The following SNX29 variants were observed in gnomAD, a reference collection of about 807,000 sequenced individuals.
SNX29 encodes sorting nexin-29.
Under a neutral mutation model 102.1 loss-of-function variants are expected in SNX29, and 78 were observed. That is an observed-to-expected ratio of 0.76 (90% CI 0.64 to 0.92). SNX29 has a LOEUF of 0.92. Ranked by LOEUF, SNX29 falls within the 40% of genes least tolerant of loss-of-function variation. SNX29 has a pLI of 0.00. For missense variants in SNX29, 1,280 were observed against 1,061.7 expected (o/e 1.21, Z -2.86); for synonymous variants, 580 against 414.5 (o/e 1.40, Z -4.85).
At chr16:12,057,573 C>T (rs1418968716) in intron 8 of SNX29, among the ~76,000 whole-genome samples, 4 of 152,048 alleles carry the variant, frequency 2.6e-5, no homozygotes, top group African/African-American at 4.8e-5. Context: ...AACATACCCT[C>T]GATTCAGGGA....
intron 19 of SNX29, among the ~76,000 whole-genome samples, chr16:12,481,321 G>T (rs1222704093): frequency 6.6e-6 from 1 of 151,854 alleles, no homozygotes; most frequent in African/African-American, 2.4e-5. Context: ...TCTCGCCTGT[G>T]CAGCTTTTAA....
intron 8 of SNX29, among the ~76,000 whole-genome samples, chr16:12,053,476 C>T (rs1398746922): frequency 6.6e-6 from 1 of 151,900 alleles, no homozygotes; most frequent in African/African-American, 2.4e-5. Flanking sequence ...GGGAGGATTC[C>T]TTAAGGCCAG....
chr16:12,411,463 G>A (rs887860416), intron 18 of SNX29, among the ~76,000 whole-genome samples: 1 of 152,224 alleles, frequency 6.6e-6, no homozygotes, highest in African/African-American at 2.4e-5. Context: ...GGTGAAAACA[G>A]AAAGCCAAAG....
chr16:12,301,234 C>G (rs1475358977), intron 15 of SNX29, among the ~76,000 whole-genome samples: 5 of 152,218 alleles, frequency 3.3e-5, no homozygotes, highest in Admixed American at 2.0e-4. Flanking sequence ...GCCATTTTCT[C>G]TTGCCGGGAG....
chr16:12,460,588 A>T (rs930965949), intron 18 of SNX29, among the ~76,000 whole-genome samples: 2 of 151,038 alleles, frequency 1.3e-5, no homozygotes, highest in East Asian at 1.9e-4. Flanking sequence ...GTGCATCCCT[A>T]TGCCATAACA....
intron 18 of SNX29, among the ~76,000 whole-genome samples, chr16:12,452,062 T>A (rs545931841): frequency 2.0e-5 from 3 of 152,248 alleles, no homozygotes; most frequent in African/African-American, 7.2e-5. Context: ...CCACTGAAGC[T>A]CAGACCTGTC....
chr16:12,232,191 G>GGGTTA (rs2077789803), intron 14 of SNX29, among the ~76,000 whole-genome samples: 1 of 152,172 alleles, frequency 6.6e-6, no homozygotes, highest in African/African-American at 2.4e-5. Context: ...TGGCCATTAA[G>GGGTTA]GGGGAAGATG....
At chr16:12,400,504 T>G (rs918980325) in intron 17 of SNX29, among the ~76,000 whole-genome samples, 23 of 152,196 alleles carry the variant, frequency 1.5e-4, no homozygotes, top group Admixed American at 1.2e-3. Context: ...CAAATGCTTA[T>G]TCCCCTGCCT....
chr16:12,286,907 A>G (rs1199247097), intron 15 of SNX29, among the ~76,000 whole-genome samples: 2 of 152,116 alleles, frequency 1.3e-5, no homozygotes, highest in African/African-American at 4.8e-5. Context: ...AAAACCCCAC[A>G]TTACTGCAAT....
chr16:12,526,022 C>T (rs2076773590), intron 20 of SNX29, among the ~76,000 whole-genome samples: 1 of 152,152 alleles, frequency 6.6e-6, no homozygotes, highest in Admixed American at 6.5e-5. Context: ...TTATGGTCTT[C>T]AGATGCTACA....
At chr16:12,529,409 G>A (rs565596032) in intron 20 of SNX29, among the ~76,000 whole-genome samples, 2 of 152,340 alleles carry the variant, frequency 1.3e-5, no homozygotes, top group African/African-American at 2.4e-5. Flanking sequence ...GGTACCGTTC[G>A]TGGAGGGAGG....
chr16:12,016,620 T>A (rs920705372), intron 3 of SNX29, among the ~76,000 whole-genome samples: 13 of 152,160 alleles, frequency 8.5e-5, no homozygotes, highest in Non-Finnish European at 1.6e-4. Context: ...TTCTGATAGG[T>A]GTGTAGTTGT....
chr16:12,094,028 G>A (rs1321040487), intron 11 of SNX29: 8 of 152,154 alleles, frequency 5.3e-5, no homozygotes, highest in African/African-American at 1.4e-4. Context: ...TGTTAAACCA[G>A]CTACACTGGC....
At chr16:12,333,350 C>T (rs1452013934) in intron 15 of SNX29, among the ~76,000 whole-genome samples, 2 of 151,916 alleles carry the variant, frequency 1.3e-5, no homozygotes, top group Non-Finnish European at 2.9e-5. Flanking sequence ...CGTGATCTGC[C>T]TGCCTCGGCC....
chr16:12,035,899 C>G (rs1378061017), intron 4 of SNX29, among the ~76,000 whole-genome samples: 2 of 152,112 alleles, frequency 1.3e-5, no homozygotes, highest in East Asian at 3.9e-4. Flanking sequence ...TCATCCCGTT[C>G]CCTTTCTTCC....
In SNX29 at chr16:12,517,411, C is replaced by G. The variant is rs184574388; in HGVS notation, c.2179-7291C>G. ...GAAGGCCTAGTTCCCTGTCTTCACTCACTTGCTCCCTGGTGTTCGGCTCTC... is the reference window on the plus strand; with the variant it reads ...GAAGGCCTAGTTCCCTGTCTTCACTGACTTGCTCCCTGGTGTTCGGCTCTC... On this transcript the variant is annotated intron_variant, in intron 19 of 20. Transcript: ENST00000566228. 3.0e-3 allele frequency among the ~76,000 whole-genome samples: 457 copies of G among 152,336 alleles called. 3 individuals are homozygous for G. Among genetic ancestry groups the G allele is most frequent in the African/African-American group, 0.011 (437 of 41,568 alleles).
chr16:12,035,436 G>C (rs1027343023), intron 4 of SNX29, among the ~76,000 whole-genome samples: 1 of 152,124 alleles, frequency 6.6e-6, no homozygotes, highest in Non-Finnish European at 1.5e-5. Flanking sequence ...GTAGGATGTG[G>C]GTGTATTATG....
At position 12,569,520 on chromosome 16, in the gene SNX29, C is replaced by T. The variant is rs17223442; in HGVS notation, c.*891C>T. The T allele has an allele frequency of 0.13, 29,906 of 231,544 alleles. 2,247 individuals are homozygous for T. Among genetic ancestry groups the T allele is most frequent in the South Asian group, 0.25 (1,374 of 5,510 alleles). 14.3% of individuals were successfully genotyped at this position (231,544 alleles called of 1,614,324 possible). On this transcript the variant is annotated 3_prime_UTR_variant, in exon 21 of 21. Coordinates refer to ENST00000566228, the MANE Select transcript of SNX29 (RefSeq NM_032167.5). ...AGGGTTTTCAAACCAGGCTCCATGACTATGAAGTTGGACCCAGTGTGGACA... is the reference window on the plus strand; with the variant it reads ...AGGGTTTTCAAACCAGGCTCCATGATTATGAAGTTGGACCCAGTGTGGACA...
rs141675314 is a variant in SNX29, at chr16:12,570,372, G to C, written c.*1743G>C. ...TGCCAACATTGCTGCAATACACATGGTTTATCTGAAATTCCAAGGCCAGAG... is the reference window on the plus strand; with the variant it reads ...TGCCAACATTGCTGCAATACACATGCTTTATCTGAAATTCCAAGGCCAGAG... On this transcript the variant is annotated 3_prime_UTR_variant, in exon 21 of 21. Transcript: ENST00000566228. 218 of 454,952 alleles carry C rather than the reference G, an allele frequency of 4.8e-4. 3 individuals are homozygous for C. Among genetic ancestry groups the C allele is most frequent in the East Asian group, 3.4e-3 (59 of 17,468 alleles). The allele number at this position is 454,952 out of a possible 1,614,324, so 28.2% of individuals were successfully genotyped here.
Sources: gnomAD v4.1 joint callset for allele counts (sites outside exome capture counted in the v4.1 genomes callset) on GRCh38, gnomAD v4.1.1 for gene constraint, MANE v1.5 for transcripts, NCBI Gene and HGNC (gene_info 2026-07-23, HGNC 2026-07-21) for gene names.